ARHGEF10L: variants seen among roughly 807,000 people sequenced by gnomAD.
ARHGEF10L encodes rho guanine nucleotide exchange factor 10-like protein.
Under a neutral mutation model 141.2 loss-of-function variants are expected in ARHGEF10L, and 69 were observed. That is an observed-to-expected ratio of 0.49 (90% CI 0.40 to 0.60). ARHGEF10L has a LOEUF of 0.60. Among genes scored for constraint, ARHGEF10L ranks in the 20% least tolerant of loss-of-function variants. ARHGEF10L has a pLI of 0.00. For synonymous variants in ARHGEF10L, 711 were observed against 718.5 expected (o/e 0.99, Z 0.17); for missense variants, 1,482 against 1,734.3 (o/e 0.85, Z 2.58).
chr1:17,638,026 T>C, intron 19 of ARHGEF10L, 23 bp downstream of exon 19: 1 of 1,556,808 alleles, frequency 6.4e-7, no homozygotes, highest in Admixed American at 1.9e-5. Context: ...GCCTGACCTT[T>C]TTGGCCTGAG....
rs755364404 is a variant in ARHGEF10L at position 17,603,590 on chromosome 1, C to T, written c.432C>T (p.Pro144=). The T allele has an allele frequency of 7.0e-5, 112 of 1,611,482 alleles. No homozygotes were observed. Among genetic ancestry groups the T allele is most frequent in the East Asian group, 6.0e-4 (27 of 44,776 alleles). The change falls in exon 6 of 29, where the codon CCC becomes CCT. Residue 144 remains proline, a splice_region_variant and synonymous_variant. Coordinates refer to ENST00000361221, the MANE Select transcript of ARHGEF10L (RefSeq NM_018125.4). This position sits in a 1 kb window ranked among gnomAD's most constrained non-coding sequence, Gnocchi z 4.8. The part of the protein sequence containing the change: ...VPCESPDAHQ[P]GAERNLLYED... ...GCGAGAGCCCAGATGCGCATCAGCC[C>T]GGTATGATGTCTGCAGTGCTTCCCT...
At chr1:17,695,047 G>C in intron 27 of ARHGEF10L, 111 bp from the exon 28 acceptor site, 1 of 1,525,372 alleles carries the variant, frequency 6.6e-7, no homozygotes, top group Non-Finnish European at 9.0e-7. Flanking sequence ...CCAACTTCTT[G>C]CTGGTTTCAG....
chr1:17,689,811 CGTCTT>C (rs1558044378), intron 27 of ARHGEF10L: 1 of 455,884 alleles, frequency 2.2e-6, no homozygotes, highest in South Asian at 1.5e-5. Context: ...TTTGGAATCT[CGTCTT>C]GTCTGCGCAG....
At chr1:17,661,630 G>T (rs1232301419) in intron 25 of ARHGEF10L, among the ~76,000 whole-genome samples, 1 of 152,118 alleles carries the variant, frequency 6.6e-6, no homozygotes, top group South Asian at 2.1e-4. Flanking sequence ...TTCCAGTTTT[G>T]GGGGGGTGTT....
chr1:17,649,900 C>T (rs1470006679), intron 22 of ARHGEF10L, among the ~76,000 whole-genome samples: 3 of 152,042 alleles, frequency 2.0e-5, no homozygotes, highest in Non-Finnish European at 4.4e-5. Context: ...GGAAGCCAGG[C>T]GAGGCAGGAG....
intron 26 of ARHGEF10L, among the ~76,000 whole-genome samples, chr1:17,681,696 C>T (rs2064140431): frequency 6.6e-6 from 1 of 152,222 alleles, no homozygotes; most frequent in Admixed American, 6.5e-5. Flanking sequence ...TGGCCCCGTC[C>T]TGATCACTTG....
intron 26 of ARHGEF10L, among the ~76,000 whole-genome samples, chr1:17,671,495 T>A (rs2063322041): frequency 6.6e-6 from 1 of 152,090 alleles, no homozygotes; most frequent in Admixed American, 6.5e-5. Context: ...CTTGTGGTGT[T>A]TCTATGGCAA....
At chr1:17,595,760 G>A (rs1157709054) in intron 4 of ARHGEF10L, among the ~76,000 whole-genome samples, 1 of 152,092 alleles carries the variant, frequency 6.6e-6, no homozygotes, top group Non-Finnish European at 1.5e-5. Context: ...GCACACACGA[G>A]GCCATACCAC....
upstream of ARHGEF10L, among the ~76,000 whole-genome samples, chr1:17,538,263 C>T (rs1174564287): frequency 6.6e-6 from 1 of 152,030 alleles, no homozygotes; most frequent in Non-Finnish European, 1.5e-5. Flanking sequence ...TCCTGCTTTG[C>T]TAGCATCCCC....
chr1:17,560,397 C>T (rs1223996446), intron 1 of ARHGEF10L, among the ~76,000 whole-genome samples: 2 of 152,210 alleles, frequency 1.3e-5, no homozygotes, highest in African/African-American at 4.8e-5. Flanking sequence ...GTATCAGAGG[C>T]ACCTGAGGTT....
At chr1:17,574,907 G>T (rs757026664) in intron 1 of ARHGEF10L, among the ~76,000 whole-genome samples, 5 of 152,184 alleles carry the variant, frequency 3.3e-5, no homozygotes, top group African/African-American at 4.8e-5. Context: ...GGGCTTTCAG[G>T]ACAGGCAGAG....
rs1388770777 is a variant in ARHGEF10L, at chr1:17,562,609, T to A, written c.-43-17944T>A. Among the ~76,000 whole-genome samples the A allele has an allele frequency of 2.6e-5, 4 of 152,254 alleles. No homozygotes were observed. The East Asian group carries it at 7.7e-4, about 29-fold the overall frequency. On this transcript the variant is annotated intron_variant, in intron 1 of 28. Coordinates refer to ENST00000361221, the MANE Select transcript of ARHGEF10L (RefSeq NM_018125.4). ...CAGTGCTGAGATTTCAGGTGAATCA[T>A]TGTCACTTTGATTTCATACTTGTTA...
chr1:17,646,826 A>G (rs1295835648), intron 21 of ARHGEF10L, among the ~76,000 whole-genome samples: 1 of 152,060 alleles, frequency 6.6e-6, no homozygotes, highest in African/African-American at 2.4e-5. Flanking sequence ...AGCACAGTCC[A>G]GCACGGTGGA....
At chr1:17,578,461 G>GA (rs914831941) in intron 1 of ARHGEF10L, among the ~76,000 whole-genome samples, 1 of 152,256 alleles carries the variant, frequency 6.6e-6, no homozygotes, top group African/African-American at 2.4e-5. Context: ...AACAAGGGAG[G>GA]ATGGCTTGAG....
At chr1:17,690,822 G>A (rs1481915739) in intron 27 of ARHGEF10L, among the ~76,000 whole-genome samples, 1 of 152,212 alleles carries the variant, frequency 6.6e-6, no homozygotes, top group Non-Finnish European at 1.5e-5. Context: ...CAGAGCGTGG[G>A]GGGCAGCTGC....
Position 17,646,392 on chromosome 1 carries a change from A to G in ARHGEF10L, c.2273-2162A>G, listed in dbSNP as rs543587134. Among the ~76,000 whole-genome samples, 188 of 152,354 alleles carry G rather than the reference A, an allele frequency of 1.2e-3. 1 individual carries two copies. The highest frequency in any genetic ancestry group is 4.3e-3 in the African/African-American group (178 of 41,582). ...TCGTGGGTACATCTGACAAACCTGG[A>G]AAATGAGGCTCTGAGAAAAGAGACT... On this transcript the variant is annotated intron_variant, in intron 21 of 28. Transcript: ENST00000361221.
intron 5 of ARHGEF10L, 137 bp downstream of exon 5, chr1:17,602,355 A>G: frequency 1.0e-6 from 1 of 977,964 alleles, no homozygotes; most frequent in Non-Finnish European, 1.5e-6. Context: ...GTGGCCCTGG[A>G]GGACCAACCA....
intron 21 of ARHGEF10L, among the ~76,000 whole-genome samples, chr1:17,641,728 T>C (rs1383238345): frequency 2.0e-5 from 3 of 148,606 alleles, no homozygotes; most frequent in East Asian, 4.2e-4. Flanking sequence ...CCTGTAATCC[T>C]AGCACTTTGG....
intron 26 of ARHGEF10L, among the ~76,000 whole-genome samples, chr1:17,680,778 C>A (rs1329030029): frequency 7.1e-6 from 1 of 140,880 alleles, no homozygotes; most frequent in East Asian, 2.1e-4. Flanking sequence ...TTTGCCTTTT[C>A]TCCCATAACT....
Sources: gnomAD v4.1 joint callset for allele counts (sites outside exome capture counted in the v4.1 genomes callset) on GRCh38, gnomAD v4.1.1 for gene constraint, Gnocchi (gnomAD v3.1) non-coding constraint, MANE v1.5 for transcripts, NCBI Gene and HGNC (gene_info 2026-07-23, HGNC 2026-07-21) for gene names.